Variants in ITGAV observed in about 807,000 individuals in gnomAD.
ITGAV encodes integrin subunit alpha V, also known as integrin alpha-V.
ITGAV carries 76 observed loss-of-function variants against 143.8 expected under a neutral mutation model. That is an observed-to-expected ratio of 0.53 (90% CI 0.44 to 0.64). The LOEUF (loss-of-function observed/expected upper bound fraction) is 0.64, where lower values mean the gene tolerates loss of function less well. ITGAV is among the 30% of genes least tolerant of loss of function. The pLI is 0.00. For synonymous variants in ITGAV, 453 were observed against 446.7 expected (o/e 1.01, Z -0.18); for missense variants, 1,193 against 1,274.7 (o/e 0.94, Z 0.98).
intron 18 of ITGAV, among the ~76,000 whole-genome samples, chr2:186,662,630 AT>A (rs1420397716): frequency 6.6e-6 from 1 of 152,246 alleles, no homozygotes; most frequent in East Asian, 1.9e-4. Flanking sequence ...AAAATTTCTA[AT>A]AAAACCTAAG....
intron 22 of ITGAV, 96 bp from the exon 23 acceptor site, chr2:186,667,054 T>C: frequency 1.2e-6 from 1 of 827,200 alleles, no homozygotes. Flanking sequence ...TTTACACTTG[T>C]TTCGTTTGTT....
chr2:186,597,237 C>T (rs1164254377), intron 1 of ITGAV, among the ~76,000 whole-genome samples: 1 of 152,134 alleles, frequency 6.6e-6, no homozygotes, highest in Non-Finnish European at 1.5e-5. Flanking sequence ...TGTTGAAGGC[C>T]TTCTCCTAAT....
In ITGAV at chr2:186,676,843, C is replaced by T. The variant is rs1377153728; in HGVS notation, c.2959C>T (p.Pro987Ser). ...CACTAATGTCACCTGGGGCATTCAGCCAGCGCCCATGCCTGTGCCTGTGTG... is the reference window on the plus strand; with the variant it reads ...CACTAATGTCACCTGGGGCATTCAGTCAGCGCCCATGCCTGTGCCTGTGTG... ...VTTNVTWGIQ[P>S]APMPVPVWVI... Residue 987 changes from proline to serine, a missense_variant, in exon 29 of 30, where the codon CCA becomes TCA. Transcript: ENST00000261023. 3 of 1,613,970 alleles carry T rather than the reference C, an allele frequency of 1.9e-6. No homozygotes were observed. The highest frequency in any genetic ancestry group is 1.1e-5 in the South Asian group (1 of 91,078).
chr2:186,659,954 C>T (rs1173138735), intron 18 of ITGAV, among the ~76,000 whole-genome samples: 1 of 151,768 alleles, frequency 6.6e-6, no homozygotes, highest in Non-Finnish European at 1.5e-5. Context: ...GAACTTATAA[C>T]CATACTTCTG....
chr2:186,668,623 A>T, intron 24 of ITGAV, 139 bp from the exon 25 acceptor site: 1 of 686,072 alleles, frequency 1.5e-6, no homozygotes, highest in Non-Finnish European at 2.5e-6. Context: ...AAATGGTCAC[A>T]TTGTAATTAG....
intron 15 of ITGAV, among the ~76,000 whole-genome samples, chr2:186,652,931 A>ATT (rs35139936): frequency 0.019 from 1,597 of 82,516 alleles, 13 homozygotes; most frequent in African/African-American, 0.027. Context: ...TTCATTATAG[A>ATT]TTTTTTTTTT....
At chr2:186,641,353 T>C in intron 11 of ITGAV, 33 bp from the exon 12 acceptor site, 1 of 1,565,848 alleles carries the variant, frequency 6.4e-7, no homozygotes, top group Non-Finnish European at 8.8e-7. Context: ...TGAAATTTGT[T>C]CTTGCTTTGG....
intron 10 of ITGAV, 146 bp from the exon 11 acceptor site, chr2:186,640,769 T>C (rs1380756907): frequency 3.0e-5 from 19 of 634,816 alleles, no homozygotes; most frequent in Non-Finnish European, 5.2e-5. Context: ...ATTGTGTTGG[T>C]AGAATAAACA....
At position 186,622,266 on chromosome 2, in the gene ITGAV, T is replaced by G. The variant is rs1687548915; in HGVS notation, c.317-73T>G. 3.9e-6 allele frequency: 4 copies of G among 1,022,718 alleles called. No individual in the cohort carries two copies. The South Asian group carries it at 5.5e-5, about 14-fold the overall frequency. 63.4% of individuals were successfully genotyped at this position (1,022,718 alleles called of 1,614,324 possible). On this transcript the variant is annotated intron_variant, in intron 2 of 29. Coordinates refer to ENST00000261023, the MANE Select transcript of ITGAV (RefSeq NM_002210.5). ...AAGGTGTACTATTTCTCAACCTAGC[T>G]GGGGATAAAAATAAACTGTTATATT...
intron 2 of ITGAV, among the ~76,000 whole-genome samples, chr2:186,619,340 G>T (rs1179844169): frequency 1.3e-5 from 2 of 152,038 alleles, no homozygotes; most frequent in Non-Finnish European, 2.9e-5. Flanking sequence ...GTCATAGGTG[G>T]AAGCTAAGAA....
chr2:186,662,398 C>G (rs1366888514), intron 18 of ITGAV, among the ~76,000 whole-genome samples: 1 of 152,112 alleles, frequency 6.6e-6, no homozygotes, highest in Non-Finnish European at 1.5e-5. Context: ...GAATCTTTGT[C>G]CAATATATAG....
intron 8 of ITGAV, among the ~76,000 whole-genome samples, chr2:186,637,850 C>T (rs1326059899): frequency 6.6e-6 from 1 of 152,166 alleles, no homozygotes; most frequent in Non-Finnish European, 1.5e-5. Context: ...CATCCATCTT[C>T]CTTCAGAGCT....
chr2:186,661,586 T>G lies in ITGAV; in HGVS notation c.1858-2182T>G, dbSNP rs181609001. Reference sequence around the variant, plus strand: ...TTTTCATTCAAATACACATTAAGTTTTTTTTGTTTTTGTTTTTTTTTTTTT... The same window carrying G: ...TTTTCATTCAAATACACATTAAGTTGTTTTTGTTTTTGTTTTTTTTTTTTT... On this transcript the variant is annotated intron_variant, in intron 18 of 29. Coordinates refer to ENST00000261023, the MANE Select transcript of ITGAV (RefSeq NM_002210.5). 2.1e-3 allele frequency among the ~76,000 whole-genome samples: 228 copies of G among 110,180 alleles called. 1 individual carries two copies. Among genetic ancestry groups the G allele is most frequent in the African/African-American group, 7.8e-3 (206 of 26,454 alleles). 72.3% of individuals were successfully genotyped at this position (110,180 alleles called of 152,430 possible).
chr2:186,648,700 A>G (rs1013083624), intron 13 of ITGAV, among the ~76,000 whole-genome samples: 9 of 152,002 alleles, frequency 5.9e-5, no homozygotes, highest in Non-Finnish European at 1.0e-4. Flanking sequence ...GGCTGGTCTC[A>G]GTCAGGCTGG....
At chr2:186,611,590 T>C (rs1687218725) in intron 2 of ITGAV, among the ~76,000 whole-genome samples, 1 of 152,186 alleles carries the variant, frequency 6.6e-6, no homozygotes, top group South Asian at 2.1e-4. Flanking sequence ...GCTGTCTCTC[T>C]TGTTCTTTTT....
intron 17 of ITGAV, among the ~76,000 whole-genome samples, chr2:186,657,698 G>C (rs1233970146): frequency 6.6e-6 from 1 of 152,112 alleles, no homozygotes; most frequent in African/African-American, 2.4e-5. Context: ...TTACAGATAA[G>C]GGAGGAATTA....
At chr2:186,619,713 A>G (rs6434190) in intron 2 of ITGAV, among the ~76,000 whole-genome samples, 114,780 of 152,082 alleles carry the variant, frequency 0.75, 43,317 homozygotes, top group East Asian at 0.85. Flanking sequence ...GCTCTTGGCC[A>G]GGCAGGGTGG....
chr2:186,646,078 T>C (rs1311377912), intron 12 of ITGAV, among the ~76,000 whole-genome samples: 1 of 152,184 alleles, frequency 6.6e-6, no homozygotes, highest in East Asian at 1.9e-4. Context: ...GGCAGATTGG[T>C]AATACATTTT....
At position 186,679,669 on chromosome 2, in the gene ITGAV, T is replaced by C. The variant is rs1271740954; in HGVS notation, c.*2377T>C. 3 of 152,008 alleles carry C rather than the reference T, an allele frequency of 2.0e-5. No homozygotes were observed. Among genetic ancestry groups the C allele is most frequent in the Admixed American group, 6.6e-5 (1 of 15,258 alleles). The allele number at this position is 152,008 out of a possible 1,614,324, so 9.4% of individuals were successfully genotyped here. The stretch of plus-strand genomic sequence containing the variant: ...GAAAACATGAATGAACTAGAAGATA[T>C]TAAAAACATTTGACATTGGTAAGAA... On this transcript the variant is annotated 3_prime_UTR_variant, in exon 30 of 30. Transcript: ENST00000261023.
Sources: gnomAD v4.1 joint callset for allele counts (sites outside exome capture counted in the v4.1 genomes callset) on GRCh38, gnomAD v4.1.1 for gene constraint, MANE v1.5 for transcripts, NCBI Gene and HGNC (gene_info 2026-07-23, HGNC 2026-07-21) for gene names.